The following EHMT1 variants were observed in gnomAD, a reference collection of about 807,000 sequenced individuals.
EHMT1 encodes histone-lysine N-methyltransferase EHMT1.
A neutral mutation model predicts 147.2 loss-of-function variants in EHMT1; 15 were observed. The observed-to-expected ratio is 0.10, with a 90% CI of 0.07 to 0.16. The LOEUF (loss-of-function observed/expected upper bound fraction) is 0.16. Ranked by LOEUF, EHMT1 falls within the 10% of genes least tolerant of loss-of-function variation. The pLI, the probability that EHMT1 is intolerant of heterozygous loss-of-function variation, is 1.00. For synonymous variants in EHMT1, 795 were observed against 709.6 expected (o/e 1.12, Z -1.91); for missense variants, 1,587 against 1,772.4 (o/e 0.90, Z 1.88).
At position 137,717,105 on chromosome 9, in the gene EHMT1, A is replaced by C. The variant is rs398124409; in HGVS notation, c.565A>C (p.Arg189=). Reference sequence around the variant, plus strand: ...GGAGGGGAGTGCTGACACAGAGGACAGGAAGCTCCCGGCCCCTGGCGCCGA... The same window carrying C: ...GGAGGGGAGTGCTGACACAGAGGACCGGAAGCTCCCGGCCCCTGGCGCCGA... ...LGEGSADTED[R]KLPAPGADVK... Residue 189 remains arginine (R), a synonymous_variant, in exon 3 of 27, where the codon AGG becomes CGG. Coordinates refer to ENST00000460843, the MANE Select transcript of EHMT1 (RefSeq NM_024757.5). 6.2e-7 allele frequency: 1 copy of C among 1,612,562 alleles called. No homozygotes were observed. The highest frequency in any genetic ancestry group is 8.5e-7 in the Non-Finnish European group (1 of 1,179,884).
At chr9:137,644,135 G>A (rs375863032) in intron 1 of EHMT1, among the ~76,000 whole-genome samples, 211 of 152,300 alleles carry the variant, frequency 1.4e-3, no homozygotes, top group African/African-American at 4.7e-3. Flanking sequence ...TGATCCCGCC[G>A]TGCATTGCGG....
intron 3 of EHMT1, among the ~76,000 whole-genome samples, chr9:137,726,617 G>A (rs187108708): frequency 1.3e-5 from 2 of 152,262 alleles, no homozygotes; most frequent in East Asian, 3.9e-4. Context: ...CCTGCTTTCA[G>A]TGCTGCTGGG....
intron 6 of EHMT1, chr9:137,746,121 T>G (rs1383914905): frequency 6.6e-6 from 1 of 152,500 alleles, no homozygotes; most frequent in Non-Finnish European, 1.5e-5. Flanking sequence ...TTTGTTTTGT[T>G]TTTTATTTTT....
At chr9:137,741,726 A>G (rs1948098897) in intron 4 of EHMT1, among the ~76,000 whole-genome samples, 1 of 152,154 alleles carries the variant, frequency 6.6e-6, no homozygotes, top group South Asian at 2.1e-4. Flanking sequence ...TGTAATATGA[A>G]AAGTTGGCCC....
intron 4 of EHMT1, among the ~76,000 whole-genome samples, chr9:137,733,593 G>A (rs980596799): frequency 6.6e-6 from 1 of 152,144 alleles, no homozygotes; most frequent in African/African-American, 2.4e-5. Context: ...CAGGGTGTGC[G>A]GTGTTCCTGG....
At chr9:137,695,563 AG>A (rs773360177) in intron 1 of EHMT1, among the ~76,000 whole-genome samples, 61 of 152,336 alleles carry the variant, frequency 4.0e-4, no homozygotes, top group Non-Finnish European at 7.2e-4. Flanking sequence ...TTGGTCAATG[AG>A]TCTCAGCTGG....
At position 137,782,407 on chromosome 9, in the gene EHMT1, C is replaced by T. The variant is rs780312766; in HGVS notation, c.2382+10C>T. 48 of 1,602,150 alleles carry T rather than the reference C, an allele frequency of 3.0e-5. No individual in the cohort carries two copies. The highest frequency in any genetic ancestry group is 8.0e-5 in the African/African-American group (6 of 74,586). On this transcript the variant is annotated intron_variant, in intron 15 of 26. Coordinates refer to ENST00000460843, the MANE Select transcript of EHMT1 (RefSeq NM_024757.5). The surrounding 1 kb of genome is among the most constrained non-coding windows in gnomAD (Gnocchi z 5.7). ...CCACATGCTGGTTCAGGTGCGGCGG[C>T]ACGGCGCCCTCCTAGGGCTCTTCAC...
intron 3 of EHMT1, among the ~76,000 whole-genome samples, chr9:137,722,364 G>A (rs763064577): frequency 6.6e-6 from 1 of 152,214 alleles, no homozygotes; most frequent in Non-Finnish European, 1.5e-5. Context: ...ACATCATTTG[G>A]TTGAAAATTA....
intron 1 of EHMT1, among the ~76,000 whole-genome samples, chr9:137,628,280 G>T (rs1843396973): frequency 3.9e-5 from 6 of 152,126 alleles, no homozygotes; most frequent in Admixed American, 3.3e-4. Flanking sequence ...CTACCTCTCT[G>T]TCTTCCTATT....
chr9:137,813,798 T>C lies in EHMT1; in HGVS notation c.3180+268T>C, dbSNP rs1326825551. ...AGTGGCAGGCATCTTTGTGCCTTTT[T>C]TGTAACCTCACACTCAGGGGCCCCG... On this transcript the variant is annotated intron_variant, in intron 21 of 26. Coordinates refer to ENST00000460843, the MANE Select transcript of EHMT1 (RefSeq NM_024757.5). This position sits in a 1 kb window ranked among gnomAD's most constrained non-coding sequence, Gnocchi z 4.9. Among the ~76,000 whole-genome samples, 1 of 152,154 alleles carries C rather than the reference T, an allele frequency of 6.6e-6. No homozygotes were observed. The highest frequency in any genetic ancestry group is 6.5e-5 in the Admixed American group (1 of 15,284).
chr9:137,741,979 G>T (rs1948125133), intron 4 of EHMT1, among the ~76,000 whole-genome samples: 1 of 152,162 alleles, frequency 6.6e-6, no homozygotes, highest in African/African-American at 2.4e-5. Flanking sequence ...GATTCCCAGG[G>T]CTACCAAGGG....
At chr9:137,712,325 C>T (rs558019902) in intron 2 of EHMT1, among the ~76,000 whole-genome samples, 1 of 152,222 alleles carries the variant, frequency 6.6e-6, no homozygotes, top group South Asian at 2.1e-4. Flanking sequence ...GTGCCCTGTT[C>T]CCTTACACAC....
At chr9:137,646,693 C>G (rs1039042312) in intron 1 of EHMT1, among the ~76,000 whole-genome samples, 1 of 152,156 alleles carries the variant, frequency 6.6e-6, no homozygotes, top group South Asian at 2.1e-4. Flanking sequence ...GAGCTCTGGC[C>G]GAATTGGAGG....
At chr9:137,791,703 A>G (rs1290561449) in intron 16 of EHMT1, among the ~76,000 whole-genome samples, 2 of 152,202 alleles carry the variant, frequency 1.3e-5, no homozygotes, top group Admixed American at 6.5e-5. Context: ...AACAGCCTGT[A>G]GAGTCCATGG....
At position 137,784,018 on chromosome 9, in the gene EHMT1, T is replaced by A. The variant is rs908275798; in HGVS notation, c.2382+1621T>A. On this transcript the variant is annotated intron_variant, in intron 15 of 26. Coordinates refer to ENST00000460843, the MANE Select transcript of EHMT1 (RefSeq NM_024757.5). ...TAATGTCTTATATTGTAGTTTTAAT[T>A]TCTAGCTGTCTTAGTCCATTTTCTC... is the stretch of plus-strand genomic sequence containing the variant. The A allele has an allele frequency of 1.6e-5, 10 of 630,132 alleles. 1 individual carries two copies. In the Admixed American group the frequency reaches 2.6e-4, roughly 17 times the overall value. 39.0% of individuals were successfully genotyped at this position (630,132 alleles called of 1,614,324 possible). A position where few individuals can be genotyped will look rare whatever the true frequency, so the allele number is the denominator to read the frequency against.
At chr9:137,784,653 AGAT>A in intron 15 of EHMT1, 1 of 160,876 alleles carries the variant, frequency 6.2e-6, no homozygotes, top group Non-Finnish European at 1.3e-5. Flanking sequence ...AGACTGAATG[AGAT>A]GATGATGGGG....
At chr9:137,669,650 C>T (rs2134241696) in intron 1 of EHMT1, among the ~76,000 whole-genome samples, 1 of 152,038 alleles carries the variant, frequency 6.6e-6, no homozygotes, top group African/African-American at 2.4e-5. Flanking sequence ...TTTTTGCTCT[C>T]TTCGGAGCAT....
rs566431397 is a variant in EHMT1, at chr9:137,821,401, C to G, written c.3540+3263C>G. On this transcript the variant is annotated intron_variant, in intron 25 of 26. Coordinates refer to ENST00000460843, the MANE Select transcript of EHMT1 (RefSeq NM_024757.5). The stretch of plus-strand genomic sequence containing the variant: ...GGAGTGCAGTGGCATAATCATAGCT[C>G]ACTGCAGCCTTGAACTCCTGGGCTT... 5.5e-5 allele frequency among the ~76,000 whole-genome samples: 8 copies of G among 144,310 alleles called. No homozygotes were observed. The South Asian group carries it at 1.8e-3, about 33-fold the overall frequency. The allele number at this position is 144,310 out of a possible 152,430, so 94.7% of individuals were successfully genotyped here.
chr9:137,633,269 G>A (rs985799781), intron 1 of EHMT1, among the ~76,000 whole-genome samples: 2 of 151,868 alleles, frequency 1.3e-5, no homozygotes, highest in Non-Finnish European at 1.5e-5. Context: ...GCAAAATCAA[G>A]GATAACTCCA....
Sources: gnomAD v4.1 joint callset for allele counts (sites outside exome capture counted in the v4.1 genomes callset) on GRCh38, gnomAD v4.1.1 for gene constraint, Gnocchi (gnomAD v3.1) non-coding constraint, MANE v1.5 for transcripts, NCBI Gene and HGNC (gene_info 2026-07-23, HGNC 2026-07-21) for gene names.